Variants in NEK1 observed in about 807,000 individuals in gnomAD.
NEK1 encodes the protein serine/threonine-protein kinase Nek1.
Under a neutral mutation model 182.1 loss-of-function variants are expected in NEK1, and 137 were observed. The ratio of observed to expected loss-of-function variants is 0.75; its 90% confidence interval spans 0.65 to 0.87. The LOEUF is 0.87. NEK1 is among the 40% of genes least tolerant of loss of function. The probability of loss-of-function intolerance (pLI) is 0.00; values close to 1 mark genes in which losing one functional copy is unlikely to be tolerated. For missense variants in NEK1, 1,391 were observed against 1,494.4 expected, an observed-to-expected ratio of 0.93 and a Z score of 1.14; for synonymous variants, 513 against 492.2, an observed-to-expected ratio of 1.04 and a Z score of -0.56.
Position 169,576,212 on chromosome 4 carries a change from G to A in NEK1, c.1020+716C>T, listed in dbSNP as rs531423667. 1.3e-4 allele frequency among the ~76,000 whole-genome samples: 20 copies of A among 152,032 alleles called. No individual in the cohort carries two copies. The East Asian group carries it at 2.1e-3, about 16-fold the overall frequency. On this transcript the variant is annotated intron_variant, in intron 12 of 35. Coordinates refer to ENST00000507142, the MANE Select transcript of NEK1 (RefSeq NM_001199397.3). ...ACTCCTGACCCCAAGTGACCCACCC[G>A]CCTTGACCTCCCAAAGTGCTGGGAT...
At chr4:169,442,334 C>T (rs375655836) in intron 27 of NEK1, among the ~76,000 whole-genome samples, 31 of 152,252 alleles carry the variant, frequency 2.0e-4, no homozygotes, top group African/African-American at 6.7e-4. Flanking sequence ...ATACCACTGA[C>T]ACTGATTACA....
At chr4:169,459,740 A>T (rs1743600379) in intron 27 of NEK1, among the ~76,000 whole-genome samples, 1 of 152,228 alleles carries the variant, frequency 6.6e-6, no homozygotes, top group Non-Finnish European at 1.5e-5. Flanking sequence ...ATTACAGAGG[A>T]ACCTTAAGTG....
intron 12 of NEK1, among the ~76,000 whole-genome samples, chr4:169,569,279 A>G (rs954129972): frequency 2.0e-5 from 3 of 152,214 alleles, no homozygotes; most frequent in Non-Finnish European, 4.4e-5. Context: ...ATTAGATTTT[A>G]TTTTTAAAAA....
At chr4:169,473,780 A>G (rs575160976) in intron 26 of NEK1, among the ~76,000 whole-genome samples, 18 of 152,308 alleles carry the variant, frequency 1.2e-4, no homozygotes, top group African/African-American at 4.1e-4. Flanking sequence ...AGAAAAGTGA[A>G]GAAAGTGCTT....
At chr4:169,496,617 C>CAT (rs1751348026) in intron 23 of NEK1, among the ~76,000 whole-genome samples, 2 of 143,098 alleles carry the variant, frequency 1.4e-5, no homozygotes, top group African/African-American at 5.8e-5. Flanking sequence ...GCATGAAGGG[C>CAT]TGTTGAATTT....
intron 16 of NEK1, among the ~76,000 whole-genome samples, chr4:169,561,053 G>A (rs183918678): frequency 6.6e-6 from 1 of 152,156 alleles, no homozygotes; most frequent in Non-Finnish European, 1.5e-5. Flanking sequence ...ATTTCAGCAT[G>A]AATAGAGCAT....
At chr4:169,526,271 T>C (rs557867267) in intron 19 of NEK1, among the ~76,000 whole-genome samples, 1 of 152,272 alleles carries the variant, frequency 6.6e-6, no homozygotes, top group East Asian at 1.9e-4. Context: ...GGAGGATAAC[T>C]TGAAGCTAGG....
chr4:169,475,532 AC>A (rs1233719376), intron 26 of NEK1, among the ~76,000 whole-genome samples: 1 of 152,170 alleles, frequency 6.6e-6, no homozygotes, highest in Non-Finnish European at 1.5e-5. Flanking sequence ...AATACCTAGC[AC>A]CCAACAAGGT....
chr4:169,507,749 G>A lies in NEK1; in HGVS notation c.1877C>T (p.Ala626Val). Reference sequence around the variant, plus strand: ...TTCGATTTTTTTGCGCCTCATGTCAGCCTCTTCACTTCCTTCTTGTCCTTC... The same window carrying A: ...TTCGATTTTTTTGCGCCTCATGTCAACCTCTTCACTTCCTTCTTGTCCTTC... ...HSEGQEGSEE[A>V]DMRRKKIESL... The change falls in exon 22 of 36, where the codon GCT becomes GTT. Residue 626 changes from alanine to valine, a missense_variant. Transcript: ENST00000507142. 1.2e-6 allele frequency: 2 copies of A among 1,612,954 alleles called. No homozygotes were observed. Among genetic ancestry groups the A allele is most frequent in the African/African-American group, 1.3e-5 (1 of 74,982 alleles).
intron 31 of NEK1, among the ~76,000 whole-genome samples, chr4:169,409,417 T>C (rs1054407652): frequency 1.3e-5 from 2 of 151,926 alleles, no homozygotes; most frequent in Non-Finnish European, 2.9e-5. Context: ...GTGCTGGGAT[T>C]ACAGGCGTGA....
Position 169,507,920 on chromosome 4 carries a change from A to G in NEK1, c.1834-128T>C, listed in dbSNP as rs189754549. 5.8e-4 allele frequency: 427 copies of G among 737,704 alleles called. 1 individual carries two copies. In the African/African-American group the frequency reaches 6.6e-3, roughly 11 times the overall value. The allele number at this position is 737,704 out of a possible 1,614,324, so 45.7% of individuals were successfully genotyped here. ...AAAATGGAAATCATTTAATGCTGTTAGTTTTCTCCTAAAGCTGCAACTGAA... is the reference window on the plus strand; with the variant it reads ...AAAATGGAAATCATTTAATGCTGTTGGTTTTCTCCTAAAGCTGCAACTGAA... On this transcript the variant is annotated intron_variant, in intron 21 of 35. Transcript: ENST00000507142.
At chr4:169,435,540 CTCCTCTT>C in intron 28 of NEK1, among the ~76,000 whole-genome samples, 2 of 152,268 alleles carry the variant, frequency 1.3e-5, no homozygotes, top group Middle Eastern at 3.4e-3. Flanking sequence ...TCTGTTTCTC[CTCCTCTT>C]TAATTTCAGC....
At chr4:169,452,586 A>T (rs1478468939) in intron 27 of NEK1, among the ~76,000 whole-genome samples, 6 of 152,242 alleles carry the variant, frequency 3.9e-5, no homozygotes, top group Admixed American at 1.3e-4. Flanking sequence ...CAATAGATGC[A>T]GAGAAGGCCT....
intron 8 of NEK1, 121 bp downstream of exon 8, chr4:169,588,528 T>C (rs1382094076): frequency 3.9e-6 from 2 of 509,006 alleles, no homozygotes; most frequent in Non-Finnish European, 7.0e-6. Context: ...ACATTTTATA[T>C]ATACATATGT....
At chr4:169,556,816 CT>C in intron 16 of NEK1, among the ~76,000 whole-genome samples, 1 of 150,584 alleles carries the variant, frequency 6.6e-6, no homozygotes, top group African/African-American at 2.4e-5. Context: ...TTAATCTGGT[CT>C]TGATAGCAAT....
chr4:169,400,414 C>T, intron 34 of NEK1, 57 bp from the exon 35 acceptor site: 1 of 1,439,166 alleles, frequency 6.9e-7, no homozygotes, highest in Non-Finnish European at 9.2e-7. Context: ...TAATTGCAGA[C>T]TTCACTTTTT....
intron 19 of NEK1, among the ~76,000 whole-genome samples, chr4:169,529,862 A>T (rs1183914395): frequency 6.6e-6 from 1 of 152,196 alleles, no homozygotes; most frequent in Non-Finnish European, 1.5e-5. Flanking sequence ...ATATTCCTAT[A>T]CATGGTTTAG....
At chr4:169,479,246 C>T (rs141107677) in intron 24 of NEK1, among the ~76,000 whole-genome samples, 157 bp downstream of exon 24, 7 of 152,130 alleles carry the variant, frequency 4.6e-5, no homozygotes, top group Non-Finnish European at 8.8e-5. Context: ...AACAATGAGG[C>T]TCCAGTATTC....
chr4:169,560,502 C>T (rs1762750946), intron 16 of NEK1, among the ~76,000 whole-genome samples: 1 of 152,156 alleles, frequency 6.6e-6, no homozygotes, highest in African/African-American at 2.4e-5. Flanking sequence ...CCCATCACCA[C>T]TTGCCATATA....
Sources: allele counts gnomAD v4.1 joint callset (sites outside exome capture counted in the v4.1 genomes callset), GRCh38; gene constraint gnomAD v4.1.1; transcripts MANE v1.5; gene names NCBI Gene and HGNC (gene_info 2026-07-23, HGNC 2026-07-21).